LHX9: variants seen among roughly 807,000 people sequenced by gnomAD.
The protein encoded by LHX9 is LIM/homeobox protein Lhx9.
LHX9 carries 9 observed loss-of-function variants against 36.5 expected under a neutral mutation model. The ratio of observed to expected loss-of-function variants is 0.25; its 90% CI spans 0.15 to 0.43. The LOEUF is 0.43. Ranked by LOEUF, LHX9 falls within the 20% of genes least tolerant of loss-of-function variation. The pLI is 1.00. For synonymous variants in LHX9, 211 were observed against 212.1 expected, an observed-to-expected ratio of 0.99 and a Z score of 0.04; for missense variants, 464 against 526.4, an observed-to-expected ratio of 0.88 and a Z score of 1.16.
intron 3 of LHX9, among the ~76,000 whole-genome samples, chr1:197,923,909 G>C (rs1660071534): frequency 6.6e-6 from 1 of 152,094 alleles, no homozygotes; most frequent in Non-Finnish European, 1.5e-5. Context: ...GGCCCCCTTA[G>C]CCCGAAGAGT....
In LHX9 at chr1:197,933,922, A is replaced by C. The variant is rs1270861471; in HGVS notation, c.*4663A>C. On this transcript the variant is annotated 3_prime_UTR_variant, in exon 5 of 5. Coordinates refer to ENST00000367387, the MANE Select transcript of LHX9 (RefSeq NM_020204.3). ...TGGAATAGAAAAATGTGGACCTCTT[A>C]GTTGAGAGCAGGACACTAAATTTTC... The C allele has an allele frequency of 1.3e-5, 2 of 152,130 alleles. No individual in the cohort carries two copies. The highest frequency in any genetic ancestry group is 4.8e-5 in the African/African-American group (2 of 41,416). 9.4% of individuals were successfully genotyped at this position (152,130 alleles called of 1,614,324 possible).
upstream of LHX9, chr1:197,916,465 C>T (rs1271865073): frequency 3.5e-6 from 2 of 572,528 alleles, no homozygotes; most frequent in African/African-American, 1.9e-5. Flanking sequence ...AGGCGCCAAG[C>T]TCCCGGGAGT....
At chr1:197,912,549 T>C, upstream of LHX9, 1 of 1,614,200 alleles carries the variant, frequency 6.2e-7, no homozygotes, top group Non-Finnish European at 8.5e-7. Flanking sequence ...ACGGTACCAC[T>C]CTAGAGGCAG....
At chr1:197,916,438 C>G, upstream of LHX9, 1 of 552,696 alleles carries the variant, frequency 1.8e-6, no homozygotes, top group South Asian at 2.2e-5. Context: ...GGGGCTAGCG[C>G]CCAGTCCTGC....
At chr1:197,927,483 T>A (rs1054022129) in intron 3 of LHX9, 108 bp from the exon 4 acceptor site, 5 of 937,504 alleles carry the variant, frequency 5.3e-6, no homozygotes, top group Non-Finnish European at 8.6e-6. Context: ...GTTGACAACC[T>A]TTTTCACTGC....
chr1:197,935,033 A>C lies in LHX9; in HGVS notation c.*5774A>C, dbSNP rs1660417099. ...GAACTGTGCATGATACTCAAGGAAA[A>C]GTCTATGAATATGATGTAAGTAGTA... On this transcript the variant is annotated 3_prime_UTR_variant, in exon 5 of 5. Coordinates refer to ENST00000367387, the MANE Select transcript of LHX9 (RefSeq NM_020204.3). 6.6e-6 allele frequency: 1 copy of C among 152,098 alleles called. No homozygotes were observed. Among genetic ancestry groups the C allele is most frequent in the Non-Finnish European group, 1.5e-5 (1 of 68,012 alleles). The allele number at this position is 152,098 out of a possible 1,614,324, so 9.4% of individuals were successfully genotyped here.
chr1:197,932,052 C>T lies in LHX9; in HGVS notation c.*2793C>T. 1.1e-6 allele frequency: 1 copy of T among 949,904 alleles called. No individual in the cohort carries two copies. Among genetic ancestry groups the T allele is most frequent in the Admixed American group, 2.9e-5 (1 of 34,498 alleles). 58.8% of individuals were successfully genotyped at this position (949,904 alleles called of 1,614,324 possible). A position where few individuals can be genotyped will look rare whatever the true frequency, so the allele number is the denominator to read the frequency against. ...AAAGACACTATTAGGTTATGATAATCATACATTAAAAAATTTATTAAGCCA... is the reference window on the plus strand; with the variant it reads ...AAAGACACTATTAGGTTATGATAATTATACATTAAAAAATTTATTAAGCCA... On this transcript the variant is annotated 3_prime_UTR_variant, in exon 5 of 5. Coordinates refer to ENST00000367387, the MANE Select transcript of LHX9 (RefSeq NM_020204.3).
At chr1:197,920,195 T>A (rs1659935366) in intron 2 of LHX9, 21 bp downstream of exon 2, 8 of 1,610,546 alleles carry the variant, frequency 5.0e-6, no homozygotes, top group Non-Finnish European at 4.2e-6. Flanking sequence ...ACACCCCCAC[T>A]TCCTACGCCC....
At chr1:197,927,510 C>T (rs1435520240) in intron 3 of LHX9, 81 bp from the exon 4 acceptor site, 3 of 1,124,110 alleles carry the variant, frequency 2.7e-6, no homozygotes, top group Non-Finnish European at 4.1e-6. Flanking sequence ...ATTACCATAG[C>T]AGTGTCATAC....
At position 197,918,051 on chromosome 1, in the gene LHX9, A is replaced by C; in HGVS notation, c.174+54A>C. On this transcript the variant is annotated intron_variant, in intron 1 of 4. Coordinates refer to ENST00000367387, the MANE Select transcript of LHX9 (RefSeq NM_020204.3). ...CCGGGCACCCCTGCGCCCTCTGTTA[A>C]ACCAAGCCGACTCCCTGGCCGGTGG... 3.8e-6 allele frequency: 6 copies of C among 1,567,564 alleles called. 1 individual carries two copies. Among genetic ancestry groups the C allele is most frequent in the Non-Finnish European group, 5.2e-6 (6 of 1,158,600 alleles).
upstream of LHX9, chr1:197,917,113 TGTGCGCGCGCGCGCGC>T: frequency 5.0e-6 from 1 of 200,626 alleles, no homozygotes; most frequent in Non-Finnish European, 8.7e-6. Context: ...TGTGTGTGTG[TGTGCGCGCGCGCGCGC>T]GTGTGTGTGT....
chr1:197,914,421 C>A (rs1659693352), upstream of LHX9, among the ~76,000 whole-genome samples: 2 of 151,386 alleles, frequency 1.3e-5, no homozygotes, highest in South Asian at 2.1e-4. Context: ...TTGTCCCCAG[C>A]CACCGGGCCT....
intron 2 of LHX9, 88 bp downstream of exon 2, chr1:197,920,262 C>T (rs1659940890): frequency 8.5e-7 from 1 of 1,183,044 alleles, no homozygotes; most frequent in Non-Finnish European, 1.2e-6. Context: ...CGTCCCCTAC[C>T]TTTTGCCCCA....
In LHX9 at chr1:197,931,654, G is replaced by T; in HGVS notation, c.*2395G>T. The T allele has an allele frequency of 8.4e-6, 3 of 358,520 alleles. No homozygotes were observed. Among genetic ancestry groups the T allele is most frequent in the Non-Finnish European group, 1.5e-5 (3 of 196,678 alleles). 22.2% of individuals were successfully genotyped at this position (358,520 alleles called of 1,614,324 possible). A position where few individuals can be genotyped will look rare whatever the true frequency, so the allele number is the denominator to read the frequency against. ...AATGTTACACATTGTTGCACAGGCA[G>T]TGTAATTCAACCTAGAAATACCTTT... On this transcript the variant is annotated 3_prime_UTR_variant, in exon 5 of 5. Transcript: ENST00000367387.
chr1:197,919,953 C>T lies in LHX9; in HGVS notation c.175-19C>T, dbSNP rs1329314307. ...ACACCGCGCGCCCTCCTCAGCCTTGCGGTGTGCTTTCTTTGCAGGGCATGC... is the reference window on the plus strand; with the variant it reads ...ACACCGCGCGCCCTCCTCAGCCTTGTGGTGTGCTTTCTTTGCAGGGCATGC... On this transcript the variant is annotated intron_variant, in intron 1 of 4. Coordinates refer to ENST00000367387, the MANE Select transcript of LHX9 (RefSeq NM_020204.3). 2 of 1,612,552 alleles carry T rather than the reference C, an allele frequency of 1.2e-6. No individual in the cohort carries two copies. The highest frequency in any genetic ancestry group is 1.7e-6 in the Non-Finnish European group (2 of 1,179,466).
At chr1:197,916,828 C>A (rs1659774099), upstream of LHX9, 2 of 701,558 alleles carry the variant, frequency 2.9e-6, no homozygotes, top group South Asian at 1.5e-5. Context: ...AGGAGAGGAA[C>A]CAGCATTATC....
chr1:197,918,445 G>A (rs1257196689), intron 1 of LHX9: 2 of 711,506 alleles, frequency 2.8e-6, no homozygotes, highest in East Asian at 2.7e-5. Flanking sequence ...CTGATGACCG[G>A]ACCTGTGGAG....
intron 2 of LHX9, 72 bp downstream of exon 2, chr1:197,920,246 C>T (rs185194588): frequency 1.4e-6 from 2 of 1,432,078 alleles, no homozygotes; most frequent in Non-Finnish European, 9.8e-7. Flanking sequence ...CCCGGAATCC[C>T]CTCTCCGTCC....
upstream of LHX9, chr1:197,915,738 G>A (rs760453478): frequency 6.6e-6 from 1 of 152,268 alleles, no homozygotes; most frequent in Non-Finnish European, 1.5e-5. Flanking sequence ...CACTCCAGGA[G>A]CCTCAGAAGA....
Sources: gnomAD v4.1 joint callset for allele counts (sites outside exome capture counted in the v4.1 genomes callset) on GRCh38, gnomAD v4.1.1 for gene constraint, MANE v1.5 for transcripts, NCBI Gene and HGNC (gene_info 2026-07-23, HGNC 2026-07-21) for gene names.